The following HERC3 variants were observed in gnomAD, a reference collection of about 807,000 sequenced individuals.
HERC3 encodes the protein probable E3 ubiquitin-protein ligase HERC3.
A neutral mutation model predicts 129.9 loss-of-function variants in HERC3; 58 were observed. The observed-to-expected ratio is 0.45, with a 90% CI of 0.36 to 0.56. HERC3 has a LOEUF of 0.56. Ranked by LOEUF, HERC3 falls within the 20% of genes least tolerant of loss-of-function variation. The probability of loss-of-function intolerance (pLI) is 0.00; values close to 1 mark genes in which losing one functional copy is unlikely to be tolerated. For synonymous variants in HERC3, 430 were observed against 451.0 expected (o/e 0.95, Z 0.59); for missense variants, 835 against 1,244.2 (o/e 0.67, Z 4.95).
rs565888706 is a variant in HERC3 at position 88,598,926 on chromosome 4, A to G, written c.-30+3312A>G. Among the ~76,000 whole-genome samples the G allele has an allele frequency of 1.9e-4, 29 of 152,324 alleles. No individual in the cohort carries two copies. The East Asian group carries it at 5.2e-3, about 27-fold the overall frequency. ...TTGTCATGGGGAAATAAGAGGCAGG[A>G]AATGCAGCCAAGCGGGGCTGGTGTA... is the stretch of plus-strand genomic sequence containing the variant. On this transcript the variant is annotated intron_variant, in intron 2 of 25. Transcript: ENST00000402738.
Position 88,656,262 on chromosome 4 carries a change from T to C in HERC3, c.1069+227T>C, listed in dbSNP as rs1729888083. Reference sequence around the variant, plus strand: ...ACTGTTGTGTTAGGCCGTTCTTGCATTGCTGTAAAGAGCACCTGAAACAGG... The same window carrying C: ...ACTGTTGTGTTAGGCCGTTCTTGCACTGCTGTAAAGAGCACCTGAAACAGG... On this transcript the variant is annotated intron_variant, in intron 9 of 25. Coordinates refer to ENST00000402738, the MANE Select transcript of HERC3 (RefSeq NM_014606.3). 3 of 539,916 alleles carry C rather than the reference T, an allele frequency of 5.6e-6. No individual in the cohort carries two copies. In the Admixed American group the frequency reaches 9.4e-5, roughly 17 times the overall value. 33.4% of individuals were successfully genotyped at this position (539,916 alleles called of 1,614,324 possible).
At chr4:88,683,744 T>C (rs1733073942) in intron 21 of HERC3, among the ~76,000 whole-genome samples, 2 of 152,182 alleles carry the variant, frequency 1.3e-5, no homozygotes, top group African/African-American at 4.8e-5. Context: ...TAAGAGTACT[T>C]TTTTTCATTA....
the HERC3 span, among the ~76,000 whole-genome samples, chr4:88,540,375 AG>A: frequency 6.6e-6 from 1 of 152,258 alleles, no homozygotes; most frequent in African/African-American, 2.4e-5. Flanking sequence ...AATGAAATAA[AG>A]TGAGAAGACA....
Position 88,680,121 on chromosome 4 carries a change from A to C in HERC3, c.2225A>C (p.Asp742Ala). Residue 742 changes from aspartate to alanine, a missense_variant, in exon 20 of 26, where the codon GAT becomes GCT. Transcript: ENST00000402738. ...ATCTTTGATGGTGAAGAAGCAGTGGATGCCGGTGGTGTTACAAAGGAATTT... is the reference window on the plus strand; with the variant it reads ...ATCTTTGATGGTGAAGAAGCAGTGGCTGCCGGTGGTGTTACAAAGGAATTT... The part of the protein sequence containing the change: ...KVIFDGEEAV[D>A]AGGVTKEFFL... The C allele has an allele frequency of 6.2e-7, 1 of 1,613,120 alleles. No homozygotes were observed. The highest frequency in any genetic ancestry group is 8.5e-7 in the Non-Finnish European group (1 of 1,179,594).
intron 22 of HERC3, 43 bp from the exon 23 acceptor site, chr4:88,687,174 G>A: frequency 6.8e-7 from 1 of 1,470,506 alleles, no homozygotes; most frequent in Non-Finnish European, 9.5e-7. Context: ...AAGATGAATG[G>A]TTAACAAAAT....
chr4:88,617,435 T>C (rs2149215209), intron 3 of HERC3, among the ~76,000 whole-genome samples: 1 of 152,314 alleles, frequency 6.6e-6, no homozygotes, highest in African/African-American at 2.4e-5. Context: ...TTTATCACAT[T>C]AAAGGAGTCT....
intron 2 of HERC3, among the ~76,000 whole-genome samples, chr4:88,598,774 C>T (rs988194545): frequency 5.3e-5 from 8 of 152,176 alleles, no homozygotes; most frequent in African/African-American, 1.4e-4. Context: ...ATTTTAGTTC[C>T]TTTGACCCTT....
chr4:88,600,643 A>C (rs563410687), intron 2 of HERC3, among the ~76,000 whole-genome samples: 4 of 152,248 alleles, frequency 2.6e-5, no homozygotes, highest in African/African-American at 9.6e-5. Flanking sequence ...TTTCCATTGT[A>C]TCTATAGCTT....
intron 3 of HERC3, among the ~76,000 whole-genome samples, chr4:88,649,206 T>G (rs2149267920): frequency 6.6e-6 from 1 of 152,296 alleles, no homozygotes; most frequent in African/African-American, 2.4e-5. Context: ...GAGCTGTGTG[T>G]GTCCGCTCAC....
chr4:88,673,631 C>A (rs1339533586), intron 16 of HERC3, among the ~76,000 whole-genome samples: 1 of 152,036 alleles, frequency 6.6e-6, no homozygotes, highest in East Asian at 1.9e-4. Context: ...CGTATGCATC[C>A]TTCTAGGTTA....
intron 21 of HERC3, among the ~76,000 whole-genome samples, chr4:88,686,157 A>C (rs1313138674): frequency 6.6e-6 from 1 of 152,138 alleles, no homozygotes; most frequent in Non-Finnish European, 1.5e-5. Flanking sequence ...AAAAAAAAAA[A>C]ATTAGTGTGA....
At chr4:88,608,413 G>A (rs958558130) in intron 3 of HERC3, among the ~76,000 whole-genome samples, 1 of 152,084 alleles carries the variant, frequency 6.6e-6, no homozygotes, top group Non-Finnish European at 1.5e-5. Flanking sequence ...TTCAAGGAAG[G>A]GGTTTGTAGA....
At chr4:88,652,177 C>A in intron 5 of HERC3, 89 bp downstream of exon 5, 1 of 1,011,596 alleles carries the variant, frequency 9.9e-7, no homozygotes, top group Non-Finnish European at 1.6e-6. Context: ...TAACTGAAAA[C>A]TTTGAATTAA....
intron 3 of HERC3, among the ~76,000 whole-genome samples, chr4:88,626,614 T>C (rs1451887443): frequency 6.6e-6 from 1 of 152,154 alleles, no homozygotes; most frequent in Non-Finnish European, 1.5e-5. Context: ...TTGAAAGATA[T>C]AGGACTACTT....
chr4:88,684,968 T>C (rs1733248479), intron 21 of HERC3: 1 of 152,294 alleles, frequency 6.6e-6, no homozygotes, highest in Admixed American at 6.5e-5. Context: ...AGAAGACATT[T>C]ATGTGGCCAA....
intron 2 of HERC3, among the ~76,000 whole-genome samples, chr4:88,599,689 A>G (rs1263961653): frequency 1.3e-5 from 2 of 152,180 alleles, no homozygotes; most frequent in African/African-American, 4.8e-5. Context: ...TGCTTTGGTT[A>G]CCTGGTCACA....
At chr4:88,550,538 C>T in the HERC3 span, among the ~76,000 whole-genome samples, 10 of 152,204 alleles carry the variant, frequency 6.6e-5, no homozygotes, top group East Asian at 1.9e-3. Context: ...TTCACAATTG[C>T]TTCAAAGAGA....
intron 2 of HERC3, among the ~76,000 whole-genome samples, chr4:88,601,198 T>C (rs1722924599): frequency 6.6e-6 from 1 of 152,256 alleles, no homozygotes; most frequent in Non-Finnish European, 1.5e-5. Flanking sequence ...CAAATTGAGA[T>C]TCAGTTTTAT....
At chr4:88,612,169 T>C (rs1724404075) in intron 3 of HERC3, among the ~76,000 whole-genome samples, 1 of 152,188 alleles carries the variant, frequency 6.6e-6, no homozygotes, top group South Asian at 2.1e-4. Context: ...GAGATCCTTT[T>C]TTTCCTTCTT....
Sources: allele counts gnomAD v4.1 joint callset (sites outside exome capture counted in the v4.1 genomes callset), GRCh38; gene constraint gnomAD v4.1.1; transcripts MANE v1.5; gene names NCBI Gene and HGNC (gene_info 2026-07-23, HGNC 2026-07-21).